Variants in HPS3 observed in about 807,000 individuals in gnomAD.
HPS3 encodes HPS3 biogenesis of lysosomal organelles complex 2 subunit 1, also known as BLOC-2 complex member HPS3.
A neutral mutation model predicts 110.9 loss-of-function variants in HPS3; 79 were observed. The observed-to-expected ratio is 0.71, with a 90% CI of 0.59 to 0.86. HPS3 has a LOEUF of 0.86. HPS3 is among the 40% of genes least tolerant of loss of function. The pLI is 0.00. For missense variants in HPS3, 1,197 were observed against 1,206.2 expected, an observed-to-expected ratio of 0.99 and a Z score of 0.11; for synonymous variants, 428 against 451.0, an observed-to-expected ratio of 0.95 and a Z score of 0.65.
intron 16 of HPS3, 133 bp downstream of exon 16, chr3:149,168,116 T>C (rs372923511): frequency 9.0e-6 from 6 of 663,478 alleles, no homozygotes; most frequent in African/African-American, 7.3e-5. Context: ...GGAGCTTATT[T>C]TCAGCATTCA....
intron 7 of HPS3, among the ~76,000 whole-genome samples, chr3:149,154,339 ATT>A (rs776574598): frequency 1.3e-5 from 2 of 152,188 alleles, no homozygotes; most frequent in Non-Finnish European, 2.9e-5. Context: ...AACATGGGTT[ATT>A]TTTAACATAG....
At position 149,162,319 on chromosome 3, in the gene HPS3, G is replaced by T. The variant is rs1324102028; in HGVS notation, c.2278G>T (p.Asp760Tyr). The change falls in exon 12 of 17, where the codon GAT becomes TAT. Residue 760 changes from aspartate to tyrosine, a missense_variant. Asp to Tyr is a radical substitution (Grantham distance 160, BLOSUM62 -3). Transcript: ENST00000296051. ...KNNKIGIEEA[D>Y]SFFKVLCAKD... is the part of the protein sequence containing the mutation. ...CAACAAAATTGGAATTGAAGAAGCA[G>T]ATTCCTTTTTTAAGGTTTGTCACTT... 1.2e-6 allele frequency: 2 copies of T among 1,613,832 alleles called. No homozygotes were observed. Among genetic ancestry groups the T allele is most frequent in the African/African-American group, 2.7e-5 (2 of 74,920 alleles).
chr3:149,140,200 C>T lies in HPS3; in HGVS notation c.414C>T (p.Cys138=), dbSNP rs764696921. ...IEMPLSEAPL[C]ISCCPVKGDL... ...TGCCGCTTTCGGAGGCCCCCTTGTG[C>T]ATTTCCTGTTGCCCTGTGAAAGGAG... The change falls in exon 2 of 17, where the codon TGC becomes TGT. Residue 138 remains cysteine (C), a synonymous_variant. Coordinates refer to ENST00000296051, the MANE Select transcript of HPS3 (RefSeq NM_032383.5). 1 of 1,614,068 alleles carries T rather than the reference C, an allele frequency of 6.2e-7. No homozygotes were observed. Among genetic ancestry groups the T allele is most frequent in the African/African-American group, 1.3e-5 (1 of 74,914 alleles).
At chr3:149,162,648 A>G (rs1175844982) in intron 12 of HPS3, 42 bp from the exon 13 acceptor site, 5 of 1,594,888 alleles carry the variant, frequency 3.1e-6, no homozygotes, top group Non-Finnish European at 4.3e-6. Flanking sequence ...TATCAGTGCT[A>G]TATTTATCTG....
In HPS3 at chr3:149,173,238, CTATTTTATT is replaced by C. The variant is rs1559932072; in HGVS notation, c.*1027_*1035del. 1 of 152,640 alleles carries C rather than the reference CTATTTTATT, an allele frequency of 6.6e-6. No individual in the cohort carries two copies. Among genetic ancestry groups the C allele is most frequent in the South Asian group, 2.1e-4 (1 of 4,834 alleles). 9.5% of individuals were successfully genotyped at this position (152,640 alleles called of 1,614,324 possible). On this transcript the variant is annotated 3_prime_UTR_variant, in exon 17 of 17. Transcript: ENST00000296051. ...TCACAAAACTCAAATTTGTGTCATTCTATTTTATTTATTTTATTTTTTATTTCCTTCCCT... is the reference window on the plus strand; with the variant it reads ...TCACAAAACTCAAATTTGTGTCATTCTATTTTATTTTTTATTTCCTTCCCT...
chr3:149,155,170 G>A lies in HPS3; in HGVS notation c.1464G>A (p.Leu488=), dbSNP rs1723368775. 2.5e-6 allele frequency: 4 copies of A among 1,608,032 alleles called. No individual in the cohort carries two copies. The highest frequency in any genetic ancestry group is 3.4e-6 in the Non-Finnish European group (4 of 1,174,476). Residue 488 remains leucine (L), a synonymous_variant, in exon 8 of 17, where the codon TTG becomes TTA. Coordinates refer to ENST00000296051, the MANE Select transcript of HPS3 (RefSeq NM_032383.5). The stretch of plus-strand genomic sequence containing the variant: ...CTGTAGCTGAGGCTGGGTGGAATTT[G>A]TATATTGTGAATACGATCTCACCAG... The part of the protein sequence containing the change: ...IPPVAEAGWN[L]YIVNTISPVQ...
chr3:149,129,884 C>G lies in HPS3; in HGVS notation c.161C>G (p.Pro54Arg), dbSNP rs759717409. Reference protein sequence around the residue: ...FAVAGQELCQPRCAFSTLGRV... With the variant: ...FAVAGQELCQRRCAFSTLGRV... ...GTGGCCGGCCAGGAGCTGTGCCAGC[C>G]GCGGTGCGCCTTCTCCACGCTGGGC... The change falls in exon 1 of 17, where the codon CCG becomes CGG. Residue 54 changes from proline (P) to arginine (R), a missense_variant. Coordinates refer to ENST00000296051, the MANE Select transcript of HPS3 (RefSeq NM_032383.5). 6.3e-7 allele frequency: 1 copy of G among 1,589,780 alleles called. No homozygotes were observed. The highest frequency in any genetic ancestry group is 1.1e-5 in the South Asian group (1 of 89,324).
In HPS3 at chr3:149,140,245, A is replaced by G. The variant is rs2108128341; in HGVS notation, c.459A>G (p.Thr153=). 6.2e-7 allele frequency: 1 copy of G among 1,614,232 alleles called. No homozygotes were observed. Among genetic ancestry groups the G allele is most frequent in the East Asian group, 2.2e-5 (1 of 44,884 alleles). ...AAGGAGACCTTCTCGTTGGCTGCAC[A>G]AATAAATTAGTCTTATTTAGTTTGA... ...PVKGDLLVGC[T]NKLVLFSLKY... The change falls in exon 2 of 17, where the codon ACA becomes ACG. Residue 153 remains threonine (T), a synonymous_variant. Coordinates refer to ENST00000296051, the MANE Select transcript of HPS3 (RefSeq NM_032383.5).
intron 16 of HPS3, 179 bp downstream of exon 16, chr3:149,168,162 TC>T: frequency 1.7e-6 from 1 of 594,546 alleles, no homozygotes; most frequent in African/African-American, 1.9e-5. Context: ...TTGATTTATC[TC>T]CTAGTCACAG....
At chr3:149,142,956 G>A (rs973828969) in intron 4 of HPS3, among the ~76,000 whole-genome samples, 1 of 152,176 alleles carries the variant, frequency 6.6e-6, no homozygotes, top group African/African-American at 2.4e-5. Context: ...GGTTGGGTTG[G>A]TGCAGGGGAG....
intron 4 of HPS3, among the ~76,000 whole-genome samples, chr3:149,142,075 C>T (rs1385708558): frequency 6.6e-6 from 1 of 151,536 alleles, no homozygotes; most frequent in Non-Finnish European, 1.5e-5. Flanking sequence ...GTCTCGAACT[C>T]CCGACCTCAT....
intron 4 of HPS3, 33 bp downstream of exon 4, chr3:149,141,413 A>T (rs1456705102): frequency 6.5e-7 from 1 of 1,544,976 alleles, no homozygotes; most frequent in Non-Finnish European, 9.0e-7. Context: ...GCGACAGTGC[A>T]GCAAGGTGAA....
At chr3:149,135,633 G>A (rs1016673489) in intron 1 of HPS3, among the ~76,000 whole-genome samples, 2 of 152,154 alleles carry the variant, frequency 1.3e-5, no homozygotes, top group African/African-American at 4.8e-5. Context: ...TAGCAGTAAT[G>A]TGAAAATGGA....
chr3:149,156,539 C>A (rs1357874048), intron 8 of HPS3, among the ~76,000 whole-genome samples: 1 of 142,730 alleles, frequency 7.0e-6, no homozygotes, highest in African/African-American at 2.6e-5. Context: ...TTCCCCTCTA[C>A]TTTTTTTTTG....
At chr3:149,155,552 A>C (rs574491441) in intron 8 of HPS3, among the ~76,000 whole-genome samples, 6 of 152,250 alleles carry the variant, frequency 3.9e-5, no homozygotes, top group South Asian at 2.1e-4. Context: ...ATAAATAAAT[A>C]AATCTAGGAT....
intron 14 of HPS3, chr3:149,166,064 G>A (rs532728851): frequency 2.6e-4 from 117 of 455,050 alleles, no homozygotes; most frequent in Non-Finnish European, 4.3e-4. Context: ...TAGCAAAAAG[G>A]GTACAGGGAC....
rs750685598 is a variant in HPS3, at chr3:149,141,153, AAG to A, written c.851_852del (p.Arg284LysfsTer11). The A allele has an allele frequency of 1.1e-5, 18 of 1,613,860 alleles. No individual in the cohort carries two copies. Among genetic ancestry groups the A allele is most frequent in the East Asian group, 2.2e-5 (1 of 44,884 alleles). Reference protein sequence around the residue: ...LESTGLADEKRKYSHFQHLLY... With the variant: ...LESTGLADEKXKYSHFQHLLY... ...AGTCTACGGGATTAGCTGATGAAAA[AAG>A]AAAATATTCCCACTTTCAGCACCTG... On this transcript the variant is annotated frameshift_variant, in exon 3 of 17. Coordinates refer to ENST00000296051, the MANE Select transcript of HPS3 (RefSeq NM_032383.5). LOFTEE classifies it high-confidence loss of function.
chr3:149,165,653 C>A (rs1042089728), intron 14 of HPS3, among the ~76,000 whole-genome samples: 1 of 152,032 alleles, frequency 6.6e-6, no homozygotes, highest in Non-Finnish European at 1.5e-5. Flanking sequence ...TACTTTCAAA[C>A]TTCTTGATTA....
chr3:149,129,820 C>T lies in HPS3; in HGVS notation c.97C>T (p.Leu33Phe), dbSNP rs767557803. The change falls in exon 1 of 17, where the codon CTT becomes TTT. Residue 33 changes from leucine to phenylalanine, a missense_variant. Leu to Phe is a conservative substitution (Grantham distance 22, BLOSUM62 0). Coordinates refer to ENST00000296051, the MANE Select transcript of HPS3 (RefSeq NM_032383.5). ...GTTCTGTGGCGGGGGGCGTGACGCG[C>T]TTTTCGTGGCGGCGGGCTGCAAGGT... The part of the protein sequence containing the change: ...DRFCGGGRDA[L>F]FVAAGCKVEA... The T allele has an allele frequency of 1.2e-6, 2 of 1,605,924 alleles. No individual in the cohort carries two copies. Among genetic ancestry groups the T allele is most frequent in the South Asian group, 2.2e-5 (2 of 90,866 alleles).
Sources: gnomAD v4.1 joint callset for allele counts (sites outside exome capture counted in the v4.1 genomes callset) on GRCh38, gnomAD v4.1.1 for gene constraint, MANE v1.5 for transcripts, NCBI Gene and HGNC (gene_info 2026-07-23, HGNC 2026-07-21) for gene names.